The following MTRR variants were observed in gnomAD, a reference collection of about 807,000 sequenced individuals.
MTRR encodes the protein 5-methyltetrahydrofolate-homocysteine methyltransferase reductase.
MTRR carries 63 observed loss-of-function variants against 79.2 expected under a neutral mutation model. The ratio of observed to expected loss-of-function variants is 0.80; its 90% CI spans 0.65 to 0.98. The LOEUF is 0.98. Among genes scored for constraint, MTRR ranks in the 50% least tolerant of loss-of-function variants. The pLI, the probability that MTRR is intolerant of heterozygous loss-of-function variation, is 0.00. For synonymous variants in MTRR, 355 were observed against 313.3 expected, an observed-to-expected ratio of 1.13 and a Z score of -1.41; for missense variants, 895 against 839.6, an observed-to-expected ratio of 1.07 and a Z score of -0.82.
intron 1 of MTRR, among the ~76,000 whole-genome samples, chr5:7,857,585 C>CT (rs1281951918): frequency 6.6e-6 from 1 of 152,244 alleles, no homozygotes; most frequent in African/African-American, 2.4e-5. Flanking sequence ...ACAAATCACT[C>CT]TGAGGCTCTC....
At chr5:7,856,112 C>T (rs1034094281) in intron 1 of MTRR, among the ~76,000 whole-genome samples, 2 of 152,096 alleles carry the variant, frequency 1.3e-5, no homozygotes, top group Non-Finnish European at 2.9e-5. Flanking sequence ...TTAACAGTAA[C>T]CCTGACCTAA....
At chr5:7,850,981 C>A (rs768292052), upstream of MTRR, 1 of 1,304,068 alleles carries the variant, frequency 7.7e-7, no homozygotes, top group African/African-American at 1.5e-5. Flanking sequence ...GGGCTTGCCC[C>A]GCAGCGTGGA....
At chr5:7,875,107 T>C (rs1748650985) in intron 3 of MTRR, 151 bp from the exon 4 acceptor site, 3 of 680,880 alleles carry the variant, frequency 4.4e-6, no homozygotes, top group Non-Finnish European at 7.9e-6. Flanking sequence ...ATGCATAGAA[T>C]TACTCAAGGA....
chr5:7,867,157 A>T (rs1472260487), upstream of MTRR: 1 of 1,614,196 alleles, frequency 6.2e-7, no homozygotes, highest in South Asian at 1.1e-5. Flanking sequence ...GAAATGCTTG[A>T]CTTTGATCAA....
At chr5:7,897,766 T>C (rs992541530) in intron 14 of MTRR, among the ~76,000 whole-genome samples, 6 of 152,212 alleles carry the variant, frequency 3.9e-5, no homozygotes, top group African/African-American at 1.4e-4. Flanking sequence ...CAGGAACCCA[T>C]AATTGCCATA....
Position 7,889,170 on chromosome 5 carries a change from C to T in MTRR, c.1222C>T (p.Gln408Ter). The change falls in exon 9 of 15, where the codon CAA becomes TAA. Residue 408 changes from glutamine to a stop codon, truncating the protein, a stop_gained. Coordinates refer to ENST00000440940, the MANE Select transcript of MTRR (RefSeq NM_002454.3). LOFTEE classifies it high-confidence loss of function. ...KRRLQELCSK[Q>*]GAADYSRFVR... The stretch of plus-strand genomic sequence containing the variant: ...CAGGCTACAGGAGCTGTGCAGTAAA[C>T]AAGGGGCAGCCGATTATAGCCGCTT... 6.2e-7 allele frequency: 1 copy of T among 1,614,092 alleles called. No homozygotes were observed. Among genetic ancestry groups the T allele is most frequent in the Non-Finnish European group, 8.5e-7 (1 of 1,180,034 alleles).
At chr5:7,883,364 T>G in intron 6 of MTRR, 87 bp downstream of exon 6, 1 of 1,563,430 alleles carries the variant, frequency 6.4e-7, no homozygotes, top group Non-Finnish European at 8.8e-7. Flanking sequence ...ATATGCTGAG[T>G]GGTGTGCTGC....
intron 1 of MTRR, among the ~76,000 whole-genome samples, chr5:7,858,280 C>T (rs1368149414): frequency 2.6e-5 from 4 of 152,146 alleles, no homozygotes; most frequent in Admixed American, 1.3e-4. Flanking sequence ...GGCTCAGTGT[C>T]AGGAATGCCT....
At chr5:7,855,003 G>A (rs1057266488) in intron 1 of MTRR, among the ~76,000 whole-genome samples, 7 of 152,216 alleles carry the variant, frequency 4.6e-5, no homozygotes, top group Non-Finnish European at 8.8e-5. Context: ...AATAGGAAAT[G>A]CAGCAGATAG....
chr5:7,881,962 A>G (rs564235774), intron 5 of MTRR, among the ~76,000 whole-genome samples: 1 of 152,184 alleles, frequency 6.6e-6, no homozygotes, highest in African/African-American at 2.4e-5. Context: ...TGGTGTTCTC[A>G]TTGTCAAACA....
chr5:7,869,684 C>T lies in MTRR; in HGVS notation c.-26+469C>T, dbSNP rs891654400. The T allele has an allele frequency of 1.6e-4, 32 of 204,600 alleles. 1 individual carries two copies. In the Admixed American group the frequency reaches 1.9e-3, roughly 12 times the overall value. The allele number at this position is 204,600 out of a possible 1,614,324, so 12.7% of individuals were successfully genotyped here. A position where few individuals can be genotyped will look rare whatever the true frequency, so the allele number is the denominator to read the frequency against. ...CGCCTCCGCGCCGCTTCCGGGGCTG[C>T]TGGGGCCCGGGCCTCCGCTGAGAGT... is the stretch of plus-strand genomic sequence containing the variant. On this transcript the variant is annotated intron_variant, in intron 1 of 14. Coordinates refer to ENST00000440940, the MANE Select transcript of MTRR (RefSeq NM_002454.3).
chr5:7,898,584 G>A (rs1354838028), intron 14 of MTRR, among the ~76,000 whole-genome samples: 4 of 152,162 alleles, frequency 2.6e-5, no homozygotes, highest in Non-Finnish European at 5.9e-5. Context: ...AAGCAAAATT[G>A]TCCCAAAGCC....
chr5:7,891,299 T>TC, intron 9 of MTRR, 73 bp from the exon 10 acceptor site: 1 of 814,164 alleles, frequency 1.2e-6, no homozygotes. Context: ...ATTTTTTTTT[T>TC]TTTTTTTTTT....
chr5:7,867,325 C>T (rs745685864), upstream of MTRR: 15 of 1,613,846 alleles, frequency 9.3e-6, no homozygotes, highest in African/African-American at 1.3e-5. Context: ...CAATATCCTC[C>T]GGGGTAAATG....
At chr5:7,875,490 T>C in intron 4 of MTRR, 115 bp downstream of exon 4, 1 of 993,812 alleles carries the variant, frequency 1.0e-6, no homozygotes, top group Admixed American at 1.7e-5. Context: ...GTTTTACTTT[T>C]GTTCGCTTTT....
chr5:7,851,012 C>G, upstream of MTRR: 1 of 1,263,180 alleles, frequency 7.9e-7, no homozygotes, highest in Non-Finnish European at 1.0e-6. Flanking sequence ...TCCTCCTCGT[C>G]GTCCTCCATG....
intron 5 of MTRR, 29 bp downstream of exon 5, chr5:7,878,351 T>G: frequency 6.2e-7 from 1 of 1,611,170 alleles, no homozygotes; most frequent in Non-Finnish European, 8.5e-7. Flanking sequence ...ATGCTATAGA[T>G]GCTATTTAAT....
chr5:7,851,022 G>A (rs1746064698), upstream of MTRR: 8 of 1,253,398 alleles, frequency 6.4e-6, no homozygotes, highest in Middle Eastern at 8.7e-4. Context: ...CGTCCTCCAT[G>A]CCGCCACCGT....
intron 9 of MTRR, among the ~76,000 whole-genome samples, chr5:7,890,622 A>G (rs2126780884): frequency 6.6e-6 from 1 of 152,286 alleles, no homozygotes; most frequent in South Asian, 2.1e-4. Flanking sequence ...CTAAAGCTTG[A>G]TATTAAGTTG....
Sources: allele counts gnomAD v4.1 joint callset (sites outside exome capture counted in the v4.1 genomes callset), GRCh38; gene constraint gnomAD v4.1.1; transcripts MANE v1.5; gene names NCBI Gene and HGNC (gene_info 2026-07-23, HGNC 2026-07-21).